The following NOX4 variants were observed in gnomAD, a reference collection of about 807,000 sequenced individuals.
NOX4 encodes NADPH oxidase 4.
In NOX4, 69 loss-of-function variants were observed where a neutral mutation model predicts 87.6. The ratio of observed to expected loss-of-function variants is 0.79; its 90% confidence interval spans 0.65 to 0.96. The LOEUF is 0.96. NOX4 is among the 40% of genes least tolerant of loss of function. The pLI, the probability that NOX4 is intolerant of heterozygous loss-of-function variation, is 0.00. For synonymous variants in NOX4, 275 were observed against 238.2 expected (o/e 1.15, Z -1.42); for missense variants, 680 against 681.5 (o/e 1.00, Z 0.02).
chr11:89,506,309 GAA>G, the NOX4 span, among the ~76,000 whole-genome samples: 8 of 102,988 alleles, frequency 7.8e-5, no homozygotes, highest in Middle Eastern at 5.7e-3. Context: ...GAAAGAGAGA[GAA>G]AGAAAGAAAG....
At chr11:89,440,057 A>G (rs1194436353) in intron 6 of NOX4, among the ~76,000 whole-genome samples, 1 of 152,150 alleles carries the variant, frequency 6.6e-6, no homozygotes, top group Non-Finnish European at 1.5e-5. Flanking sequence ...AGCACTTGCC[A>G]CAGCAGCAGG....
chr11:89,474,468 A>G (rs1946083082), intron 2 of NOX4, among the ~76,000 whole-genome samples: 1 of 151,666 alleles, frequency 6.6e-6, no homozygotes, highest in African/African-American at 2.4e-5. Context: ...CAAAAAAAAA[A>G]AAAAAAAAAA....
At chr11:89,461,441 G>A (rs1480764966) in intron 2 of NOX4, among the ~76,000 whole-genome samples, 5 of 151,736 alleles carry the variant, frequency 3.3e-5, no homozygotes, top group Admixed American at 6.6e-5. Context: ...TCAGGAGATC[G>A]AGACCATCCT....
At chr11:89,549,931 C>T in the NOX4 span, among the ~76,000 whole-genome samples, 1 of 152,130 alleles carries the variant, frequency 6.6e-6, no homozygotes, top group Non-Finnish European at 1.5e-5. Context: ...CAAGTCTTTG[C>T]TGTTGTGAAT....
At chr11:89,432,886 C>T in intron 6 of NOX4, 30 bp from the exon 7 acceptor site, 1 of 1,468,446 alleles carries the variant, frequency 6.8e-7, no homozygotes, top group Non-Finnish European at 9.5e-7. Flanking sequence ...TAGGTTTTTA[C>T]TTAAATCATA....
At chr11:89,352,809 T>A (rs1937662360) in intron 13 of NOX4, among the ~76,000 whole-genome samples, 1 of 152,128 alleles carries the variant, frequency 6.6e-6, no homozygotes, top group Non-Finnish European at 1.5e-5. Context: ...TGTTGTCTGT[T>A]TGTCATTTTT....
rs543150823 is a variant in NOX4 at position 89,411,875 on chromosome 11, G to A, written c.630-9333C>T. Among the ~76,000 whole-genome samples the A allele has an allele frequency of 2.6e-5, 4 of 152,186 alleles. No homozygotes were observed. The South Asian group carries it at 8.3e-4, about 32-fold the overall frequency. On this transcript the variant is annotated intron_variant, in intron 8 of 17. Transcript: ENST00000263317. ...ACTGTCCAATCAAAAGACTTACAGT[G>A]GTTGAATGGAGAAACAAAAAGACCC...
intron 11 of NOX4, among the ~76,000 whole-genome samples, chr11:89,383,194 A>T (rs553812698): frequency 6.6e-6 from 1 of 152,342 alleles, no homozygotes; most frequent in South Asian, 2.1e-4. Context: ...CAAGAACTTC[A>T]AAACGCCTAA....
At chr11:89,588,526 G>C in the NOX4 span, among the ~76,000 whole-genome samples, 1 of 152,150 alleles carries the variant, frequency 6.6e-6, no homozygotes, top group Non-Finnish European at 1.5e-5. Context: ...TTAGTAATGA[G>C]AACTTGCTTC....
chr11:89,487,439 T>TATA (rs1946673954), intron 2 of NOX4, among the ~76,000 whole-genome samples: 1 of 109,804 alleles, frequency 9.1e-6, no homozygotes, highest in African/African-American at 5.5e-5. Context: ...GGGTCCTTCC[T>TATA]GTACTAGTAC....
chr11:89,572,170 C>T, the NOX4 span, among the ~76,000 whole-genome samples: 1 of 152,208 alleles, frequency 6.6e-6, no homozygotes, highest in East Asian at 1.9e-4. Flanking sequence ...TCTTCAGGAC[C>T]TCCTGAGGCT....
At chr11:89,541,981 GT>G in the NOX4 span, among the ~76,000 whole-genome samples, 59,291 of 149,566 alleles carry the variant, frequency 0.4, 12,058 homozygotes, top group African/African-American at 0.49. Flanking sequence ...AATTTTTGTA[GT>G]TTTTTTTTTG....
At chr11:89,542,369 C>T in the NOX4 span, among the ~76,000 whole-genome samples, 4 of 152,104 alleles carry the variant, frequency 2.6e-5, no homozygotes, top group Non-Finnish European at 4.4e-5. Flanking sequence ...ATTCAGATAC[C>T]TCAGGGCACT....
rs990531345 is a variant in NOX4 at position 89,400,153 on chromosome 11, C to T, written c.1011+62G>A. On this transcript the variant is annotated intron_variant, in intron 10 of 17. Transcript: ENST00000263317. The stretch of plus-strand genomic sequence containing the variant: ...AACTATTTCAATGATGCTATGTTTG[C>T]TAAATTCCAAAAATTACATAAGGAT... 1.3e-5 allele frequency: 21 copies of T among 1,583,620 alleles called. No homozygotes were observed. In the Admixed American group the frequency reaches 3.7e-4, roughly 28 times the overall value.
chr11:89,388,214 G>A (rs1940855654), intron 11 of NOX4, among the ~76,000 whole-genome samples: 1 of 152,124 alleles, frequency 6.6e-6, no homozygotes, highest in South Asian at 2.1e-4. Context: ...AATGGACACT[G>A]TGCTGCACTG....
At chr11:89,555,939 A>G in the NOX4 span, among the ~76,000 whole-genome samples, 1 of 152,202 alleles carries the variant, frequency 6.6e-6, no homozygotes, top group Admixed American at 6.6e-5. Flanking sequence ...TGTTTAAACA[A>G]TGACATGGAA....
chr11:89,417,864 C>A (rs1748332862), intron 8 of NOX4, among the ~76,000 whole-genome samples: 1 of 152,006 alleles, frequency 6.6e-6, no homozygotes, highest in African/African-American at 2.4e-5. Flanking sequence ...TAATTGCTAA[C>A]AAAAAGCAAG....
At chr11:89,460,789 C>T (rs1945425339) in intron 2 of NOX4, among the ~76,000 whole-genome samples, 1 of 152,042 alleles carries the variant, frequency 6.6e-6, no homozygotes. Flanking sequence ...ACCATTTGAC[C>T]CAGCAATCCC....
At chr11:89,459,807 C>A (rs1279544580) in intron 2 of NOX4, among the ~76,000 whole-genome samples, 2 of 152,092 alleles carry the variant, frequency 1.3e-5, no homozygotes, top group South Asian at 2.1e-4. Context: ...TGGAAAAAAA[C>A]TACTTTAAAG....
Sources: allele counts gnomAD v4.1 joint callset (sites outside exome capture counted in the v4.1 genomes callset), GRCh38; gene constraint gnomAD v4.1.1; transcripts MANE v1.5; gene names NCBI Gene and HGNC (gene_info 2026-07-23, HGNC 2026-07-21).